Variants in SLC16A7 observed in about 807,000 individuals in gnomAD.
SLC16A7 encodes monocarboxylate transporter 2.
Under a neutral mutation model 34.9 loss-of-function variants are expected in SLC16A7, and 33 were observed. The ratio of observed to expected loss-of-function variants is 0.94; its 90% CI spans 0.72 to 1.26. The LOEUF (loss-of-function observed/expected upper bound fraction) is 1.26, where lower values mean the gene tolerates loss of function less well. SLC16A7 is among the 50% of genes most tolerant of loss of function. The pLI is 0.00. For synonymous variants in SLC16A7, 201 were observed against 206.6 expected, an observed-to-expected ratio of 0.97 and a Z score of 0.23; for missense variants, 573 against 578.1, an observed-to-expected ratio of 0.99 and a Z score of 0.09.
chr12:59,754,173 A>C (rs1401406639), intron 3 of SLC16A7, among the ~76,000 whole-genome samples: 1 of 152,188 alleles, frequency 6.6e-6, no homozygotes, highest in Non-Finnish European at 1.5e-5. Flanking sequence ...AAAAATTGAC[A>C]CCCTAACATA....
chr12:59,698,709 G>C (rs1287841826), intron 2 of SLC16A7, among the ~76,000 whole-genome samples: 2 of 151,710 alleles, frequency 1.3e-5, no homozygotes, highest in African/African-American at 4.8e-5. Flanking sequence ...ATTTAAAATG[G>C]CATAAGCAGC....
intron 2 of SLC16A7, among the ~76,000 whole-genome samples, chr12:59,678,897 G>A (rs1416753356): frequency 1.3e-5 from 2 of 152,142 alleles, no homozygotes; most frequent in Non-Finnish European, 2.9e-5. Flanking sequence ...GCTTGTTGAT[G>A]CCCAAAGCCC....
intron 3 of SLC16A7, among the ~76,000 whole-genome samples, chr12:59,753,950 A>G (rs1879936359): frequency 6.6e-6 from 1 of 152,262 alleles, no homozygotes; most frequent in South Asian, 2.1e-4. Context: ...GGATTAAGAA[A>G]CTCACTCAAA....
chr12:59,754,893 A>C (rs1191954526), intron 3 of SLC16A7, among the ~76,000 whole-genome samples: 1 of 152,204 alleles, frequency 6.6e-6, no homozygotes, highest in Non-Finnish European at 1.5e-5. Flanking sequence ...CCAGCACATC[A>C]AAAAGTTTAT....
Position 59,720,124 on chromosome 12 carries a change from G to A in SLC16A7, c.217+15106G>A, listed in dbSNP as rs114817203. 457 of 696,050 alleles carry A rather than the reference G, an allele frequency of 6.6e-4. 3 individuals are homozygous for A. In the African/African-American group the frequency reaches 7.1e-3, roughly 11 times the overall value. 43.1% of individuals were successfully genotyped at this position (696,050 alleles called of 1,614,324 possible). ...CTGTATATTCCATCAGTTGATTGACGTGTTATTATGGGATCGCTGTCTAAA... is the reference window on the plus strand; with the variant it reads ...CTGTATATTCCATCAGTTGATTGACATGTTATTATGGGATCGCTGTCTAAA... On this transcript the variant is annotated intron_variant, in intron 3 of 5. Coordinates refer to ENST00000547379, the MANE Select transcript of SLC16A7 (RefSeq NM_001270623.2).
intron 5 of SLC16A7, among the ~76,000 whole-genome samples, chr12:59,778,230 A>ATATT (rs1882955057): frequency 6.6e-6 from 1 of 152,098 alleles, no homozygotes; most frequent in Admixed American, 6.6e-5. Flanking sequence ...AGAAATAGAA[A>ATATT]TATTTGACTC....
At chr12:59,677,273 T>C (rs1592478889) in intron 2 of SLC16A7, among the ~76,000 whole-genome samples, 1 of 152,188 alleles carries the variant, frequency 6.6e-6, no homozygotes, top group Non-Finnish European at 1.5e-5. Flanking sequence ...TTGGAAGGGG[T>C]AACACTTAAA....
chr12:59,732,281 A>G (rs1877045030), intron 3 of SLC16A7, among the ~76,000 whole-genome samples: 1 of 152,006 alleles, frequency 6.6e-6, no homozygotes, highest in South Asian at 2.1e-4. Flanking sequence ...TTAGCCTGGC[A>G]TGGTGGCACA....
intron 3 of SLC16A7, among the ~76,000 whole-genome samples, chr12:59,747,191 G>T (rs190742945): frequency 6.6e-6 from 1 of 152,156 alleles, no homozygotes; most frequent in Admixed American, 6.5e-5. Context: ...ATACATATAT[G>T]TGTATACATC....
intron 1 of SLC16A7, among the ~76,000 whole-genome samples, chr12:59,621,214 T>C (rs1382703762): frequency 6.6e-6 from 1 of 151,904 alleles, no homozygotes; most frequent in African/African-American, 2.4e-5. Flanking sequence ...ACACTGATTA[T>C]TGATTGTAGA....
intron 1 of SLC16A7, among the ~76,000 whole-genome samples, chr12:59,622,430 T>G (rs913891181): frequency 6.6e-6 from 1 of 151,938 alleles, no homozygotes; most frequent in Non-Finnish European, 1.5e-5. Flanking sequence ...TGTCTATTTT[T>G]CTGTGATTGT....
At chr12:59,625,274 A>C (rs1592404555) in intron 1 of SLC16A7, among the ~76,000 whole-genome samples, 1 of 151,896 alleles carries the variant, frequency 6.6e-6, no homozygotes, top group Middle Eastern at 3.4e-3. Flanking sequence ...TTCTGTTGCA[A>C]TGCAAAATGA....
At chr12:59,711,672 C>T (rs1347756349) in intron 3 of SLC16A7, among the ~76,000 whole-genome samples, 1 of 152,120 alleles carries the variant, frequency 6.6e-6, no homozygotes, top group Non-Finnish European at 1.5e-5. Context: ...AGGTGCACCA[C>T]CATGCCCAGC....
At chr12:59,619,813 C>T (rs142249879) in intron 1 of SLC16A7, among the ~76,000 whole-genome samples, 1 of 152,118 alleles carries the variant, frequency 6.6e-6, no homozygotes, top group East Asian at 1.9e-4. Flanking sequence ...TAATGATTTA[C>T]ATTGATTATC....
chr12:59,679,646 A>G (rs1314990754), intron 2 of SLC16A7, among the ~76,000 whole-genome samples: 1 of 152,112 alleles, frequency 6.6e-6, no homozygotes, highest in Non-Finnish European at 1.5e-5. Flanking sequence ...TACCTCCTAC[A>G]TTTTGTCCTT....
chr12:59,713,405 T>C (rs1010468561), intron 3 of SLC16A7, among the ~76,000 whole-genome samples: 2 of 152,236 alleles, frequency 1.3e-5, no homozygotes, highest in African/African-American at 4.8e-5. Context: ...TTTACCGCAG[T>C]TCTTTTTAAT....
chr12:59,686,354 A>G (rs2137083772), intron 2 of SLC16A7, among the ~76,000 whole-genome samples: 1 of 152,188 alleles, frequency 6.6e-6, no homozygotes, highest in African/African-American at 2.4e-5. Context: ...TGTTTTTTAC[A>G]AATAAAGAAA....
intron 3 of SLC16A7, among the ~76,000 whole-genome samples, chr12:59,751,518 G>A (rs534510034): frequency 2.0e-4 from 30 of 152,336 alleles, no homozygotes; most frequent in South Asian, 8.3e-4. Flanking sequence ...GGCAGTCTGA[G>A]ATCAAACTGC....
chr12:59,722,147 C>T (rs1333039829), intron 3 of SLC16A7, among the ~76,000 whole-genome samples: 1 of 151,908 alleles, frequency 6.6e-6, no homozygotes, highest in Non-Finnish European at 1.5e-5. Context: ...TCTCTGACTT[C>T]GCATACCTAA....
Sources: allele counts gnomAD v4.1 joint callset (sites outside exome capture counted in the v4.1 genomes callset), GRCh38; gene constraint gnomAD v4.1.1; transcripts MANE v1.5; gene names NCBI Gene and HGNC (gene_info 2026-07-23, HGNC 2026-07-21).